POSTN: variants seen among roughly 807,000 people sequenced by gnomAD.
POSTN encodes periostin, also known as osteoblast specific factor 2 (fasciclin I-like).
POSTN carries 71 observed loss-of-function variants against 104.5 expected under a neutral mutation model. That is an observed-to-expected ratio of 0.68 (90% CI 0.56 to 0.83). The LOEUF is 0.83. Among genes scored for constraint, POSTN ranks in the 40% least tolerant of loss-of-function variants. POSTN has a pLI of 0.00. For synonymous variants in POSTN, 355 were observed against 340.7 expected, an observed-to-expected ratio of 1.04 and a Z score of -0.46; for missense variants, 949 against 1,006.8, an observed-to-expected ratio of 0.94 and a Z score of 0.78.
intron 3 of POSTN, 31 bp downstream of exon 3, chr13:37,592,069 C>T (rs1032053054): frequency 1.3e-6 from 2 of 1,502,530 alleles, no homozygotes; most frequent in South Asian, 2.3e-5. Context: ...GCATATAATT[C>T]CTTATTTAAT....
At chr13:37,594,330 G>A (rs1951023162) in intron 2 of POSTN, among the ~76,000 whole-genome samples, 1 of 152,142 alleles carries the variant, frequency 6.6e-6, no homozygotes, top group South Asian at 2.1e-4. Context: ...ACAAGGGTCA[G>A]TCATAATGTA....
intron 16 of POSTN, among the ~76,000 whole-genome samples, chr13:37,575,318 T>G (rs554715988): frequency 1.3e-5 from 2 of 151,910 alleles, no homozygotes; most frequent in South Asian, 2.1e-4. Flanking sequence ...TTTAAACGTG[T>G]GTCGTCTACC....
At chr13:37,589,034 C>T (rs1414604026) in intron 4 of POSTN, among the ~76,000 whole-genome samples, 1 of 152,022 alleles carries the variant, frequency 6.6e-6, no homozygotes, top group African/African-American at 2.4e-5. Context: ...CAAGTCTGAA[C>T]ATTGACACTG....
At chr13:37,570,694 A>G (rs780901360) in intron 18 of POSTN, 25 bp from the exon 19 acceptor site, 3 of 1,427,342 alleles carry the variant, frequency 2.1e-6, no homozygotes, top group Non-Finnish European at 3.0e-6. Flanking sequence ...ATACAAATGC[A>G]TTTGATTTAC....
chr13:37,575,134 A>T (rs1477917554), intron 16 of POSTN, among the ~76,000 whole-genome samples: 2 of 152,088 alleles, frequency 1.3e-5, no homozygotes, highest in Non-Finnish European at 2.9e-5. Context: ...ATAGAAAGGA[A>T]AAAATGAAAC....
chr13:37,570,329 A>T lies in POSTN; in HGVS notation c.2269+251T>A, dbSNP rs574287118. The stretch of plus-strand genomic sequence containing the variant: ...GAAAATGGAATATCATATCAATGGT[A>T]TATCATATTACATGTATGTATGCAT... On this transcript the variant is annotated intron_variant, in intron 19 of 22. Coordinates refer to ENST00000379747, the MANE Select transcript of POSTN (RefSeq NM_006475.3). Among the ~76,000 whole-genome samples the T allele has an allele frequency of 1.2e-3, 175 of 151,990 alleles. 3 individuals are homozygous for T. The South Asian group carries it at 0.035, about 30-fold the overall frequency.
chr13:37,590,282 A>T, intron 4 of POSTN, 90 bp downstream of exon 4: 1 of 1,064,262 alleles, frequency 9.4e-7, no homozygotes, highest in Non-Finnish European at 1.3e-6. Context: ...AAGATATAAA[A>T]TTTCTACTAA....
chr13:37,571,531 T>C, intron 17 of POSTN, 73 bp from the exon 18 acceptor site: 2 of 1,149,620 alleles, frequency 1.7e-6, no homozygotes, highest in Non-Finnish European at 2.5e-6. Context: ...AGGACATTTA[T>C]TTCAACATTC....
intron 19 of POSTN, 88 bp from the exon 20 acceptor site, chr13:37,569,909 G>A: frequency 1.2e-6 from 1 of 843,298 alleles, no homozygotes. Context: ...TTACACTTGT[G>A]GGCCATGTAG....
At position 37,597,301 on chromosome 13, in the gene POSTN, G is replaced by T; in HGVS notation, c.120-19C>A. On this transcript the variant is annotated intron_variant, in intron 1 of 22. Transcript: ENST00000379747. ...ATTTGGGCTGGAGGATAGAGGGAAAGGAAAAAAGTTAATGTCCTAATAATG... is the reference window on the plus strand; with the variant it reads ...ATTTGGGCTGGAGGATAGAGGGAAATGAAAAAAGTTAATGTCCTAATAATG... The T allele has an allele frequency of 6.6e-7, 1 of 1,516,550 alleles. No individual in the cohort carries two copies. The highest frequency in any genetic ancestry group is 2.4e-5 in the East Asian group (1 of 41,922). 93.9% of individuals were successfully genotyped at this position (1,516,550 alleles called of 1,614,324 possible). A position where few individuals can be genotyped will look rare whatever the true frequency, so the allele number is the denominator to read the frequency against.
In POSTN at chr13:37,579,925, T is replaced by C; in HGVS notation, c.1596A>G (p.Thr532=). 1 of 1,613,710 alleles carries C rather than the reference T, an allele frequency of 6.2e-7. No individual in the cohort carries two copies. Among genetic ancestry groups the C allele is most frequent in the Non-Finnish European group, 8.5e-7 (1 of 1,179,614 alleles). ...KELLTQPGDW[T]LFVPTNDAFK... ...AAGCATCATTGGTTGGCACAAATAA[T>C]GTCCAGTCTCCAGGTTGTGTCAGGA... The change falls in exon 12 of 23, where the codon ACA becomes ACG. Residue 532 remains threonine, a synonymous_variant. Coordinates refer to ENST00000379747, the MANE Select transcript of POSTN (RefSeq NM_006475.3).
intron 2 of POSTN, 25 bp from the exon 3 acceptor site, chr13:37,592,189 T>C (rs1950955255): frequency 1.5e-6 from 2 of 1,348,972 alleles, no homozygotes; most frequent in Non-Finnish European, 1.0e-6. Flanking sequence ...AAAATTAATA[T>C]TAAAATGAGA....
intron 17 of POSTN, among the ~76,000 whole-genome samples, chr13:37,572,808 A>G (rs996184013): frequency 8.3e-4 from 126 of 151,670 alleles, no homozygotes; most frequent in African/African-American, 3.0e-3. Context: ...TTTAAAAGTC[A>G]TCAATAAATC....
chr13:37,577,947 A>G (rs1593330561), intron 15 of POSTN, 149 bp from the exon 16 acceptor site: 4 of 1,399,904 alleles, frequency 2.9e-6, no homozygotes, highest in Non-Finnish European at 3.7e-6. Flanking sequence ...TCATCTTCCA[A>G]TTCAATGCTA....
intron 2 of POSTN, among the ~76,000 whole-genome samples, chr13:37,592,906 A>G (rs1192116799): frequency 6.6e-6 from 1 of 152,192 alleles, no homozygotes; most frequent in Non-Finnish European, 1.5e-5. Context: ...GAAACATAAG[A>G]AAATACATTG....
intron 5 of POSTN, 140 bp downstream of exon 5, chr13:37,587,682 G>A (rs1253589487): frequency 3.1e-6 from 2 of 651,548 alleles, no homozygotes; most frequent in Admixed American, 7.7e-5. Context: ...ACATGCCCTA[G>A]ATTTGGGGGT....
chr13:37,572,472 G>C (rs769973121), intron 17 of POSTN, among the ~76,000 whole-genome samples: 4 of 151,674 alleles, frequency 2.6e-5, no homozygotes, highest in Admixed American at 6.6e-5. Flanking sequence ...TTAAGGTGCG[G>C]TAACTTCAAA....
At chr13:37,564,005 T>A (rs1384036772) in intron 22 of POSTN, among the ~76,000 whole-genome samples, 1 of 151,336 alleles carries the variant, frequency 6.6e-6, no homozygotes, top group African/African-American at 2.4e-5. Flanking sequence ...TTTGCATATA[T>A]ACATTTCTTA....
rs759105602 is a variant in POSTN, at chr13:37,578,976, T to TA, written c.1894+42dup. On this transcript the variant is annotated intron_variant, in intron 14 of 22. Coordinates refer to ENST00000379747, the MANE Select transcript of POSTN (RefSeq NM_006475.3). Reference sequence around the variant, plus strand: ...ATAAAATAAAAATCGAGGTTCATATTAAAAAAAGACTTAGCCTATCAATGA... The same window carrying TA: ...ATAAAATAAAAATCGAGGTTCATATTAAAAAAAAGACTTAGCCTATCAATGA... The TA allele has an allele frequency of 1.1e-5, 18 of 1,594,702 alleles. No individual in the cohort carries two copies. In the East Asian group the frequency reaches 1.8e-4, roughly 16 times the overall value.
Sources: allele counts gnomAD v4.1 joint callset (sites outside exome capture counted in the v4.1 genomes callset), GRCh38; gene constraint gnomAD v4.1.1; transcripts MANE v1.5; gene names NCBI Gene and HGNC (gene_info 2026-07-23, HGNC 2026-07-21).